ZC3H12B: variants seen among roughly 807,000 people sequenced by gnomAD.
The protein encoded by ZC3H12B is zinc finger CCCH-type containing 12B.
In ZC3H12B, 7 loss-of-function variants were observed where a neutral mutation model predicts 43.9. The observed-to-expected ratio is 0.16, with a 90% CI of 0.09 to 0.30. The LOEUF (loss-of-function observed/expected upper bound fraction) is 0.30, where lower values mean the gene tolerates loss of function less well. ZC3H12B is among the 10% of genes least tolerant of loss of function. The pLI is 1.00. For missense variants in ZC3H12B, 475 were observed against 670.2 expected (o/e 0.71, Z 3.22); for synonymous variants, 222 against 241.7 (o/e 0.92, Z 0.76).
chrX:65,365,897 G>C (rs891551268), upstream of ZC3H12B, among the ~76,000 whole-genome samples: 2 of 109,303 alleles, frequency 1.8e-5, no homozygotes, highest in African/African-American at 6.7e-5. Flanking sequence ...ACCCCACTGC[G>C]ATCTCCCTTC....
At chrX:65,256,279 A>T in the ZC3H12B span, among the ~76,000 whole-genome samples, 1 of 112,224 alleles carries the variant, frequency 8.9e-6, no homozygotes, top group East Asian at 2.8e-4. Context: ...TTAACTACAC[A>T]GTTGGACATA....
chrX:65,042,051 G>A, the ZC3H12B span, among the ~76,000 whole-genome samples: 2 of 111,762 alleles, frequency 1.8e-5, no homozygotes, highest in Non-Finnish European at 3.8e-5. Context: ...CTTTTAAGAA[G>A]GGAAAAAAAG....
At chrX:65,417,184 C>A in intron 3 of ZC3H12B, among the ~76,000 whole-genome samples, 1 of 111,598 alleles carries the variant, frequency 9.0e-6, no homozygotes, top group Admixed American at 9.5e-5. Flanking sequence ...CTAGATAATA[C>A]CTATGTACAG....
chrX:65,076,637 T>C, the ZC3H12B span, among the ~76,000 whole-genome samples: 1 of 110,885 alleles, frequency 9.0e-6, no homozygotes, highest in African/African-American at 3.3e-5. Context: ...TTGATATATC[T>C]TTAACTTCAC....
chrX:65,148,689 G>T, the ZC3H12B span, among the ~76,000 whole-genome samples: 1 of 111,617 alleles, frequency 9.0e-6, no homozygotes, highest in Non-Finnish European at 1.9e-5. Flanking sequence ...CTGGGGTTTG[G>T]GGAGGGATTA....
chrX:65,222,650 TA>T, the ZC3H12B span, among the ~76,000 whole-genome samples: 2 of 93,932 alleles, frequency 2.1e-5, no homozygotes, highest in Admixed American at 2.3e-4. Context: ...ATAATAATAA[TA>T]AAACACTTAG....
chrX:65,042,777 A>G, the ZC3H12B span, among the ~76,000 whole-genome samples: 12 of 112,134 alleles, frequency 1.1e-4, no homozygotes, highest in African/African-American at 2.3e-4. Context: ...TAAGTATAAG[A>G]GGAAAAAGAA....
At chrX:65,367,383 T>C (rs1037250418) in intron 1 of ZC3H12B, among the ~76,000 whole-genome samples, 4 of 110,933 alleles carry the variant, frequency 3.6e-5, no homozygotes, top group South Asian at 7.6e-4. Flanking sequence ...AACCCTCAGA[T>C]CCCTACAATA....
intron 2 of ZC3H12B, among the ~76,000 whole-genome samples, chrX:65,391,785 C>T (rs1012997863): frequency 9.0e-6 from 1 of 111,368 alleles, no homozygotes; most frequent in Non-Finnish European, 1.9e-5. Context: ...CCCTCATCTC[C>T]GTCTTCCACT....
At chrX:65,451,105 G>T (rs1395986531) in intron 3 of ZC3H12B, among the ~76,000 whole-genome samples, 2 of 108,437 alleles carry the variant, frequency 1.8e-5, no homozygotes, top group East Asian at 5.8e-4. Flanking sequence ...ATGCCACCAT[G>T]CCTGGCTAAT....
chrX:65,068,471 AAAAC>A, the ZC3H12B span, among the ~76,000 whole-genome samples: 17 of 111,981 alleles, frequency 1.5e-4, no homozygotes, highest in South Asian at 4.1e-3. Flanking sequence ...TCTGCATAAA[AAAAC>A]AAACAAGCAA....
chrX:65,353,478 G>C, the ZC3H12B span, among the ~76,000 whole-genome samples: 2 of 112,188 alleles, frequency 1.8e-5, no homozygotes, highest in Admixed American at 1.9e-4. Flanking sequence ...AGGAAGGCAT[G>C]TTGACAACCA....
At chrX:65,062,350 A>C in the ZC3H12B span, among the ~76,000 whole-genome samples, 1 of 112,138 alleles carries the variant, frequency 8.9e-6, no homozygotes, top group Admixed American at 9.4e-5. Flanking sequence ...GGTGTAAGGA[A>C]AGGTTCCAGT....
the ZC3H12B span, among the ~76,000 whole-genome samples, chrX:65,242,872 T>A: frequency 8.9e-6 from 1 of 112,370 alleles, no homozygotes; most frequent in South Asian, 3.7e-4. Flanking sequence ...AAGAACATAT[T>A]TGAGAAAGGA....
At chrX:65,159,343 A>G in the ZC3H12B span, among the ~76,000 whole-genome samples, 10 of 111,769 alleles carry the variant, frequency 8.9e-5, no homozygotes, top group Non-Finnish European at 9.4e-5. Context: ...CATTGAATCT[A>G]TAAATTACCT....
chrX:65,374,737 C>G (rs973399438), intron 2 of ZC3H12B, among the ~76,000 whole-genome samples: 6 of 110,689 alleles, frequency 5.4e-5, no homozygotes, highest in African/African-American at 2.0e-4. Context: ...CTGCAGGGCT[C>G]GGGAGGTCAC....
the ZC3H12B span, among the ~76,000 whole-genome samples, chrX:65,222,273 C>A: frequency 9.0e-6 from 1 of 111,071 alleles, no homozygotes; most frequent in Non-Finnish European, 1.9e-5. Context: ...CAAAGCATTG[C>A]CTCTGAGAAC....
chrX:65,212,740 T>C, the ZC3H12B span, among the ~76,000 whole-genome samples: 1 of 96,093 alleles, frequency 1.0e-5, no homozygotes, highest in Middle Eastern at 5.3e-3. Context: ...TAAATATATA[T>C]ATATGTTTCT....
At chrX:65,245,923 T>A in the ZC3H12B span, among the ~76,000 whole-genome samples, 178 of 102,791 alleles carry the variant, frequency 1.7e-3, no homozygotes, top group East Asian at 9.0e-3. Context: ...TTAAAATATT[T>A]AAAAAAAAAA....
Sources: allele counts gnomAD v4.1 joint callset (sites outside exome capture counted in the v4.1 genomes callset), GRCh38; gene constraint gnomAD v4.1.1; transcripts MANE v1.5; gene names NCBI Gene and HGNC (gene_info 2026-07-23, HGNC 2026-07-21).